Variants in PSD3 observed in about 807,000 individuals in gnomAD.
The protein encoded by PSD3 is PH and SEC7 domain-containing protein 3.
In PSD3, 49 loss-of-function variants were observed where a neutral mutation model predicts 105.5. The observed-to-expected ratio is 0.46, with a 90% CI of 0.37 to 0.59. The LOEUF is 0.59. PSD3 is among the 20% of genes least tolerant of loss of function. PSD3 has a pLI of 0.00. For missense variants in PSD3, 1,561 were observed against 1,263.8 expected (o/e 1.24, Z -3.57); for synonymous variants, 557 against 457.8 (o/e 1.22, Z -2.77).
At chr8:19,002,356 C>T (rs561299182) in intron 1 of PSD3, among the ~76,000 whole-genome samples, 1 of 151,936 alleles carries the variant, frequency 6.6e-6, no homozygotes, top group Non-Finnish European at 1.5e-5. Flanking sequence ...GAGCTTGACC[C>T]TGAGGCACTT....
intron 4 of PSD3, among the ~76,000 whole-genome samples, chr8:18,866,413 A>G (rs1816936579): frequency 6.6e-6 from 1 of 152,200 alleles, no homozygotes; most frequent in African/African-American, 2.4e-5. Context: ...GTCCTGTGCG[A>G]GGTGCTTTAG....
At chr8:19,049,869 C>T (rs1265070248) in intron 1 of PSD3, among the ~76,000 whole-genome samples, 3 of 152,130 alleles carry the variant, frequency 2.0e-5, no homozygotes, top group African/African-American at 7.2e-5. Flanking sequence ...TGACTGGAAT[C>T]CCATCCCTGC....
At chr8:18,816,901 A>C (rs1194065203) in intron 4 of PSD3, among the ~76,000 whole-genome samples, 7 of 152,230 alleles carry the variant, frequency 4.6e-5, no homozygotes, top group Non-Finnish European at 7.3e-5. Flanking sequence ...CTAGGTATGC[A>C]AGAGGAGAGG....
At chr8:18,570,880 G>C (rs1802093089) in intron 14 of PSD3, among the ~76,000 whole-genome samples, 1 of 104,506 alleles carries the variant, frequency 9.6e-6, no homozygotes, top group African/African-American at 3.6e-5. Flanking sequence ...TTATTATTGA[G>C]ATGGAGTTTT....
rs147913294 is a variant in PSD3, at chr8:18,911,681, G to A, written c.130+24353C>T. ...ATAAAACAGAAAATGAAATCTTTAT[G>A]TTTGCTTTCCAAACAGCATTTTCAT... On this transcript the variant is annotated intron_variant, in intron 2 of 15. Transcript: ENST00000327040. Among the ~76,000 whole-genome samples the A allele has an allele frequency of 3.0e-3, 458 of 152,190 alleles. 2 individuals carry two copies. Among genetic ancestry groups the A allele is most frequent in the African/African-American group, 0.011 (441 of 41,520 alleles).
intron 4 of PSD3, among the ~76,000 whole-genome samples, chr8:18,843,254 G>A (rs372209208): frequency 9.2e-5 from 14 of 151,856 alleles, no homozygotes; most frequent in African/African-American, 1.7e-4. Flanking sequence ...CCAGCTATTC[G>A]GGAGGCTGAG....
intron 11 of PSD3, among the ~76,000 whole-genome samples, chr8:18,613,314 G>C (rs1239895817): frequency 6.6e-6 from 1 of 152,094 alleles, no homozygotes; most frequent in Non-Finnish European, 1.5e-5. Context: ...AGGAGGGGGT[G>C]GGGCCTTGGG....
intron 2 of PSD3, among the ~76,000 whole-genome samples, chr8:18,908,345 T>C (rs1310224239): frequency 6.6e-6 from 1 of 152,208 alleles, no homozygotes; most frequent in Non-Finnish European, 1.5e-5. Flanking sequence ...CATATCTTAA[T>C]TTACTTCTCC....
intron 9 of PSD3, among the ~76,000 whole-genome samples, chr8:18,663,519 T>A (rs1375809459): frequency 6.6e-6 from 1 of 152,206 alleles, no homozygotes; most frequent in Admixed American, 6.5e-5. Flanking sequence ...TTTACTAATG[T>A]GTGTATGCAT....
At chr8:18,608,166 G>A (rs563561071) in intron 11 of PSD3, among the ~76,000 whole-genome samples, 1 of 152,298 alleles carries the variant, frequency 6.6e-6, no homozygotes, top group African/African-American at 2.4e-5. Context: ...GCTGCAGTGA[G>A]CCATGATCGT....
intron 8 of PSD3, among the ~76,000 whole-genome samples, chr8:18,776,197 C>T (rs549048617): frequency 6.7e-6 from 1 of 150,370 alleles, no homozygotes; most frequent in South Asian, 2.1e-4. Context: ...GTTCCACTGA[C>T]CAATGTGTCT....
At chr8:18,755,294 G>C (rs1005292013) in intron 9 of PSD3, among the ~76,000 whole-genome samples, 1 of 152,062 alleles carries the variant, frequency 6.6e-6, no homozygotes, top group African/African-American at 2.4e-5. Flanking sequence ...GCCAGGCGTG[G>C]TGGCACGCGC....
At chr8:18,870,630 G>A (rs375827931) in intron 3 of PSD3, among the ~76,000 whole-genome samples, 13 of 150,312 alleles carry the variant, frequency 8.6e-5, no homozygotes, top group East Asian at 5.9e-4. Flanking sequence ...GTATACTTAT[G>A]TAACAAACCT....
At chr8:18,593,755 A>G (rs1372316637) in intron 12 of PSD3, among the ~76,000 whole-genome samples, 1 of 152,124 alleles carries the variant, frequency 6.6e-6, no homozygotes, top group Non-Finnish European at 1.5e-5. Flanking sequence ...CTGGATTAAG[A>G]AAATGTGGCA....
intron 9 of PSD3, among the ~76,000 whole-genome samples, chr8:18,682,196 G>A (rs1312288025): frequency 6.6e-6 from 1 of 152,144 alleles, no homozygotes; most frequent in Admixed American, 6.5e-5. Context: ...AAATTATCAT[G>A]AGGATAGGTA....
intron 11 of PSD3, among the ~76,000 whole-genome samples, chr8:18,620,878 C>T (rs1806064182): frequency 1.3e-5 from 2 of 152,190 alleles, no homozygotes; most frequent in Admixed American, 1.3e-4. Context: ...ATTTGACACA[C>T]TGCATTAAAT....
At chr8:19,064,939 G>T (rs1411088680) in intron 1 of PSD3, among the ~76,000 whole-genome samples, 1 of 152,068 alleles carries the variant, frequency 6.6e-6, no homozygotes, top group African/African-American at 2.4e-5. Flanking sequence ...CCTGCACTAG[G>T]TCCCAACAGA....
upstream of PSD3, chr8:19,084,781 G>A (rs958127342): frequency 4.2e-5 from 11 of 264,138 alleles, no homozygotes; most frequent in African/African-American, 8.8e-5. Flanking sequence ...CCCTGTGTGC[G>A]CCTGAGGTCC....
chr8:19,074,450 T>C (rs1829380047), intron 1 of PSD3, among the ~76,000 whole-genome samples: 1 of 152,028 alleles, frequency 6.6e-6, no homozygotes, highest in African/African-American at 2.4e-5. Context: ...TCCAGTGTTG[T>C]CTTAAATGAT....
Sources: allele counts gnomAD v4.1 joint callset (sites outside exome capture counted in the v4.1 genomes callset), GRCh38; gene constraint gnomAD v4.1.1; transcripts MANE v1.5; gene names NCBI Gene and HGNC (gene_info 2026-07-23, HGNC 2026-07-21).